OR2L13: variants seen among roughly 807,000 people sequenced by gnomAD.
The protein encoded by OR2L13 is olfactory receptor family 2 subfamily L member 13, also known as olfactory receptor 2L13.
In OR2L13, 14 loss-of-function variants were observed where a neutral mutation model predicts 15.3. The ratio of observed to expected loss-of-function variants is 0.91; its 90% confidence interval spans 0.60 to 1.43. The LOEUF is 1.43. OR2L13 is among the 40% of genes most tolerant of loss of function. The pLI is 0.00. For missense variants in OR2L13, 367 were observed against 387.9 expected (o/e 0.95, Z 0.45); for synonymous variants, 152 against 142.9 (o/e 1.06, Z -0.45).
At chr1:247,948,999 A>G in the OR2L13 span, 3 of 1,613,606 alleles carry the variant, frequency 1.9e-6, no homozygotes, top group South Asian at 2.2e-5. Flanking sequence ...GATTCTTCTC[A>G]TCTTCTTGGA....
chr1:248,023,490 TGG>T, the OR2L13 span: 1 of 152,264 alleles, frequency 6.6e-6, no homozygotes, highest in East Asian at 1.9e-4. Flanking sequence ...TAGTTGAATG[TGG>T]AGTAGGTTAT....
the OR2L13 span, among the ~76,000 whole-genome samples, chr1:247,972,665 A>G: frequency 6.6e-6 from 1 of 152,186 alleles, no homozygotes; most frequent in Non-Finnish European, 1.5e-5. Context: ...ACCCAGGACC[A>G]GACAGATTCA....
the OR2L13 span, chr1:247,966,279 G>T: frequency 6.2e-7 from 1 of 1,613,682 alleles, no homozygotes; most frequent in African/African-American, 1.3e-5. Context: ...CGGGGGCAGT[G>T]AGGAGACTGT....
At chr1:247,939,534 T>C in the OR2L13 span, 1 of 152,212 alleles carries the variant, frequency 6.6e-6, no homozygotes, top group Non-Finnish European at 1.5e-5. Context: ...TTACACTCAA[T>C]CCTGTCGTCT....
chr1:247,983,741 A>G, the OR2L13 span, among the ~76,000 whole-genome samples: 5,910 of 152,300 alleles, frequency 0.039, 356 homozygotes, highest in African/African-American at 0.13. Flanking sequence ...ATATTGTAAC[A>G]TCACAGAACA....
the OR2L13 span, among the ~76,000 whole-genome samples, chr1:247,950,350 C>G: frequency 6.6e-6 from 1 of 152,072 alleles, no homozygotes; most frequent in African/African-American, 2.4e-5. Flanking sequence ...CTCTGGATGG[C>G]CTGTGACAAG....
At chr1:248,082,305 A>T in the OR2L13 span, among the ~76,000 whole-genome samples, 1 of 132,584 alleles carries the variant, frequency 7.5e-6, no homozygotes. Flanking sequence ...GATCACATGG[A>T]CACAGGAAGG....
chr1:247,964,084 C>G, the OR2L13 span, among the ~76,000 whole-genome samples: 1 of 152,260 alleles, frequency 6.6e-6, no homozygotes, highest in East Asian at 1.9e-4. Flanking sequence ...TGTAGTAATA[C>G]TCTTCATACT....
chr1:247,965,208 C>T, the OR2L13 span: 1 of 750,440 alleles, frequency 1.3e-6, no homozygotes. Flanking sequence ...AATGTGTTTG[C>T]CATTTTGTAC....
chr1:247,990,887 T>C, the OR2L13 span: 3 of 1,494,820 alleles, frequency 2.0e-6, no homozygotes, highest in Middle Eastern at 1.7e-4. Context: ...ATTTTTCTTG[T>C]GTTTCCCTTC....
the OR2L13 span, among the ~76,000 whole-genome samples, chr1:248,052,499 C>T: frequency 3.9e-5 from 6 of 152,100 alleles, no homozygotes; most frequent in South Asian, 6.2e-4. Flanking sequence ...GAGGCCGAGC[C>T]GGGCAGATCA....
the OR2L13 span, among the ~76,000 whole-genome samples, chr1:248,044,436 A>C: frequency 1.3e-5 from 2 of 152,178 alleles, no homozygotes; most frequent in African/African-American, 4.8e-5. Context: ...TCCCTGTCTC[A>C]TGACGTCACC....
At chr1:248,057,949 A>T in the OR2L13 span, among the ~76,000 whole-genome samples, 1 of 152,288 alleles carries the variant, frequency 6.6e-6, no homozygotes, top group African/African-American at 2.4e-5. Context: ...TTGAAATAAG[A>T]TAATTTTTAT....
chr1:248,064,458 C>A, the OR2L13 span, among the ~76,000 whole-genome samples: 2 of 152,154 alleles, frequency 1.3e-5, no homozygotes, highest in Non-Finnish European at 2.9e-5. Context: ...AAATACATTT[C>A]TCTTGTTTAT....
upstream of OR2L13, among the ~76,000 whole-genome samples, chr1:248,096,256 G>T (rs141487460): frequency 6.6e-6 from 1 of 151,812 alleles, no homozygotes; most frequent in Non-Finnish European, 1.5e-5. Context: ...GGTGGTGGGC[G>T]CCTGTAGTCC....
At chr1:248,042,668 G>T in the OR2L13 span, among the ~76,000 whole-genome samples, 1 of 152,050 alleles carries the variant, frequency 6.6e-6, no homozygotes, top group East Asian at 1.9e-4. Flanking sequence ...AGACAATCTA[G>T]CAACTGCAAG....
At chr1:248,041,455 A>C in the OR2L13 span, 1 of 152,364 alleles carries the variant, frequency 6.6e-6, no homozygotes, top group Admixed American at 6.5e-5. Flanking sequence ...ATGGGCAAGG[A>C]CTTCATGTCT....
At chr1:247,993,896 A>T in the OR2L13 span, among the ~76,000 whole-genome samples, 1 of 152,040 alleles carries the variant, frequency 6.6e-6, no homozygotes, top group Non-Finnish European at 1.5e-5. Flanking sequence ...TGTGGGACCT[A>T]GTGATGGAGT....
At chr1:247,964,640 A>G in the OR2L13 span, among the ~76,000 whole-genome samples, 3 of 151,976 alleles carry the variant, frequency 2.0e-5, no homozygotes, top group East Asian at 3.8e-4. Flanking sequence ...TTAACATAGC[A>G]TAGTTCATTA....
Sources: gnomAD v4.1 joint callset for allele counts (sites outside exome capture counted in the v4.1 genomes callset) on GRCh38, gnomAD v4.1.1 for gene constraint, MANE v1.5 for transcripts, NCBI Gene and HGNC (gene_info 2026-07-23, HGNC 2026-07-21) for gene names.